Variants in MAML3 observed in about 807,000 individuals in gnomAD.
The protein encoded by MAML3 is mastermind like transcriptional coactivator 3.
A neutral mutation model predicts 101.9 loss-of-function variants in MAML3; 27 were observed. That is an observed-to-expected ratio of 0.27 (90% CI 0.20 to 0.37). The LOEUF is 0.37. Ranked by LOEUF, MAML3 falls within the 10% of genes least tolerant of loss-of-function variation. The pLI is 1.00. For missense variants in MAML3, 1,316 were observed against 1,444.9 expected, an observed-to-expected ratio of 0.91 and a Z score of 1.45; for synonymous variants, 501 against 555.9, an observed-to-expected ratio of 0.90 and a Z score of 1.39.
intron 1 of MAML3, among the ~76,000 whole-genome samples, chr4:139,913,964 A>G (rs1216209766): frequency 6.6e-6 from 1 of 152,244 alleles, no homozygotes; most frequent in African/African-American, 2.4e-5. Context: ...TGTGAACTGC[A>G]ATTGTAAAGA....
At chr4:139,733,442 C>A (rs952476277) in intron 2 of MAML3, among the ~76,000 whole-genome samples, 5 of 151,920 alleles carry the variant, frequency 3.3e-5, no homozygotes, top group South Asian at 2.1e-4. Flanking sequence ...GCTTTCCCAG[C>A]CTCCTCTCCA....
intron 2 of MAML3, among the ~76,000 whole-genome samples, chr4:139,844,251 C>G (rs1731405537): frequency 6.6e-6 from 1 of 152,178 alleles, no homozygotes; most frequent in African/African-American, 2.4e-5. Context: ...TCAGAGACAA[C>G]ATCTTATGCA....
At chr4:139,857,909 C>A (rs1731692961) in intron 2 of MAML3, among the ~76,000 whole-genome samples, 1 of 152,150 alleles carries the variant, frequency 6.6e-6, no homozygotes, top group Non-Finnish European at 1.5e-5. Context: ...AATCCAATTT[C>A]TTTCTCTCTC....
At chr4:139,967,764 C>T (rs1212463346) in intron 1 of MAML3, among the ~76,000 whole-genome samples, 1 of 152,096 alleles carries the variant, frequency 6.6e-6, no homozygotes, top group Non-Finnish European at 1.5e-5. Context: ...GGGAAACAGC[C>T]TCCCTGCCTC....
chr4:140,102,288 A>AC (rs1289438086), intron 1 of MAML3, among the ~76,000 whole-genome samples: 2 of 152,044 alleles, frequency 1.3e-5, no homozygotes, highest in African/African-American at 4.8e-5. Flanking sequence ...TCCTAGAGAG[A>AC]CTTCATTTTT....
chr4:139,753,341 A>AATCCATCT (rs1553954173), intron 2 of MAML3, among the ~76,000 whole-genome samples: 4 of 146,578 alleles, frequency 2.7e-5, no homozygotes, highest in Admixed American at 6.9e-5. Context: ...TTTTCTTTTT[A>AATCCATCT]ATCTATCTAT....
chr4:139,788,557 G>A (rs924645452), intron 2 of MAML3, among the ~76,000 whole-genome samples: 4 of 152,116 alleles, frequency 2.6e-5, no homozygotes, highest in Admixed American at 1.3e-4. Flanking sequence ...TAAGAGTGTG[G>A]CTAAAACTGC....
intron 2 of MAML3, among the ~76,000 whole-genome samples, chr4:139,744,970 G>A (rs574727815): frequency 6.6e-6 from 1 of 152,332 alleles, no homozygotes; most frequent in South Asian, 2.1e-4. Context: ...ACATTTCTAA[G>A]CTTCAGTATT....
chr4:139,792,060 T>A (rs781715823), intron 2 of MAML3, among the ~76,000 whole-genome samples: 1 of 152,236 alleles, frequency 6.6e-6, no homozygotes, highest in Non-Finnish European at 1.5e-5. Context: ...CAGCGCTACA[T>A]ACATTTTTGT....
At position 139,890,266 on chromosome 4, in the gene MAML3, C is replaced by T. The variant is rs200009652; in HGVS notation, c.1170G>A (p.Thr390=). 63 of 1,613,766 alleles carry T rather than the reference C, an allele frequency of 3.9e-5. No individual in the cohort carries two copies. The Middle Eastern group carries it at 9.9e-4, about 25-fold the overall frequency. ...TGGCAACAGAAGGTAAACTAGTGGCCGTGGAGACAGTAGAAAAGGGAGGAC... is the reference window on the plus strand; with the variant it reads ...TGGCAACAGAAGGTAAACTAGTGGCTGTGGAGACAGTAGAAAAGGGAGGAC... ...SSGPPFSTVS[T]ATSLPSVAST... The change falls in exon 2 of 5, where the codon ACG becomes ACA. Residue 390 remains threonine, a synonymous_variant. Coordinates refer to ENST00000509479, the MANE Select transcript of MAML3 (RefSeq NM_018717.5). This position sits in a 1 kb window ranked among gnomAD's most constrained non-coding sequence, Gnocchi z 4.1.
chr4:139,856,111 T>C (rs1731657115), intron 2 of MAML3, among the ~76,000 whole-genome samples: 1 of 152,214 alleles, frequency 6.6e-6, no homozygotes, highest in Non-Finnish European at 1.5e-5. Flanking sequence ...TGGAGAGCCA[T>C]GCCAATGTCT....
intron 1 of MAML3, among the ~76,000 whole-genome samples, chr4:140,096,246 G>C (rs947882058): frequency 6.6e-6 from 1 of 152,124 alleles, no homozygotes; most frequent in Non-Finnish European, 1.5e-5. Flanking sequence ...AGATGATGAC[G>C]GTGACAATGA....
At chr4:139,907,010 G>A (rs1732834155) in intron 1 of MAML3, among the ~76,000 whole-genome samples, 1 of 152,164 alleles carries the variant, frequency 6.6e-6, no homozygotes, top group African/African-American at 2.4e-5. Context: ...AAAAAGAGCT[G>A]AACAGAAAGG....
chr4:139,949,496 A>G (rs1002857153), intron 1 of MAML3, among the ~76,000 whole-genome samples: 1 of 152,236 alleles, frequency 6.6e-6, no homozygotes, highest in Admixed American at 6.5e-5. Flanking sequence ...ACAATCTGTC[A>G]CAAAAAACCA....
At chr4:140,124,676 A>T (rs1728658429) in intron 1 of MAML3, among the ~76,000 whole-genome samples, 1 of 152,226 alleles carries the variant, frequency 6.6e-6, no homozygotes, top group Non-Finnish European at 1.5e-5. Context: ...TAGCATTTGG[A>T]CATTCAGGGT....
chr4:140,130,653 G>C (rs1728776663), intron 1 of MAML3, among the ~76,000 whole-genome samples: 1 of 152,158 alleles, frequency 6.6e-6, no homozygotes, highest in Non-Finnish European at 1.5e-5. Flanking sequence ...AAGTGTAACT[G>C]AAAGACAAGA....
intron 1 of MAML3, among the ~76,000 whole-genome samples, chr4:139,893,689 C>G (rs1479660073): frequency 6.6e-6 from 1 of 152,116 alleles, no homozygotes; most frequent in Non-Finnish European, 1.5e-5. Flanking sequence ...AGTGATAGAT[C>G]TCTTACCCTA....
At chr4:140,005,745 GCTC>G (rs1726431944) in intron 1 of MAML3, among the ~76,000 whole-genome samples, 1 of 152,104 alleles carries the variant, frequency 6.6e-6, no homozygotes, top group Non-Finnish European at 1.5e-5. Context: ...AGGGAGCTAG[GCTC>G]CTATTTCATA....
intron 1 of MAML3, among the ~76,000 whole-genome samples, chr4:139,910,706 T>C (rs908691947): frequency 6.6e-6 from 1 of 152,144 alleles, no homozygotes; most frequent in African/African-American, 2.4e-5. Context: ...ATAGGTTGTA[T>C]GTCATGAGGT....
Sources: allele counts gnomAD v4.1 joint callset (sites outside exome capture counted in the v4.1 genomes callset), GRCh38; gene constraint gnomAD v4.1.1; non-coding constraint Gnocchi (gnomAD v3.1); transcripts MANE v1.5; gene names NCBI Gene and HGNC (gene_info 2026-07-23, HGNC 2026-07-21).